The following NDUFAF2 variants were observed in gnomAD, a reference collection of about 807,000 sequenced individuals.
The protein encoded by NDUFAF2 is NADH:ubiquinone oxidoreductase complex assembly factor 2.
Under a neutral mutation model 22.8 loss-of-function variants are expected in NDUFAF2, and 13 were observed. That is an observed-to-expected ratio of 0.57 (90% CI 0.37 to 0.91). The LOEUF (loss-of-function observed/expected upper bound fraction) is 0.91, where lower values mean the gene tolerates loss of function less well. Ranked by LOEUF, NDUFAF2 falls within the 40% of genes least tolerant of loss-of-function variation. The pLI is 0.01. For synonymous variants in NDUFAF2, 53 were observed against 64.2 expected (o/e 0.83, Z 0.84); for missense variants, 162 against 195.2 (o/e 0.83, Z 1.01).
chr5:60,989,527 A>G (rs1269260945), intron 1 of NDUFAF2, among the ~76,000 whole-genome samples: 1 of 152,228 alleles, frequency 6.6e-6, no homozygotes, highest in Non-Finnish European at 1.5e-5. Context: ...GACTGGGTAA[A>G]GAAAATGGAG....
chr5:60,997,472 A>G (rs1751242754), intron 1 of NDUFAF2, among the ~76,000 whole-genome samples: 2 of 152,212 alleles, frequency 1.3e-5, no homozygotes, highest in Non-Finnish European at 2.9e-5. Context: ...GATTGTTTAG[A>G]TCAAACAGGT....
chr5:60,946,166 C>T (rs1055033644), intron 1 of NDUFAF2, among the ~76,000 whole-genome samples: 3 of 152,138 alleles, frequency 2.0e-5, no homozygotes, highest in African/African-American at 4.8e-5. Flanking sequence ...GTAACCTCTT[C>T]TGTGTTGTTC....
chr5:61,147,433 C>CTTTTTTTTTT (rs1561139813), intron 3 of NDUFAF2, among the ~76,000 whole-genome samples: 1 of 47,472 alleles, frequency 2.1e-5, no homozygotes, highest in African/African-American at 6.2e-5. Flanking sequence ...ATTTTTTTTT[C>CTTTTTTTTTT]TTTCTTTTTT....
chr5:61,040,287 C>CACACACAT (rs1561548634), intron 1 of NDUFAF2, among the ~76,000 whole-genome samples: 1 of 58,186 alleles, frequency 1.7e-5, no homozygotes, highest in Non-Finnish European at 3.3e-5. Context: ...CACACACACA[C>CACACACAT]GCGCGCGCGC....
intron 3 of NDUFAF2, chr5:61,116,032 C>G (rs980681898): frequency 1.3e-5 from 2 of 152,176 alleles, no homozygotes; most frequent in African/African-American, 4.8e-5. Context: ...TGAACATGTA[C>G]ATACTGAAAA....
At chr5:61,082,587 A>G (rs1434736891) in intron 2 of NDUFAF2, among the ~76,000 whole-genome samples, 1 of 152,052 alleles carries the variant, frequency 6.6e-6, no homozygotes, top group Non-Finnish European at 1.5e-5. Context: ...TATACTCAGT[A>G]TTTAGCTCCC....
chr5:61,105,190 T>C (rs1752747675), intron 3 of NDUFAF2, among the ~76,000 whole-genome samples: 1 of 148,348 alleles, frequency 6.7e-6, no homozygotes, highest in Non-Finnish European at 1.5e-5. Context: ...ATTTCTGCTC[T>C]GGCTTATGAT....
intron 1 of NDUFAF2, among the ~76,000 whole-genome samples, chr5:61,005,697 A>G (rs569858188): frequency 7.8e-4 from 119 of 152,174 alleles, no homozygotes; most frequent in Middle Eastern, 3.4e-3. Context: ...CTCAATGATG[A>G]TGAGCATTTT....
chr5:61,106,664 C>T (rs1419332859), intron 3 of NDUFAF2, among the ~76,000 whole-genome samples: 1 of 150,714 alleles, frequency 6.6e-6, no homozygotes, highest in African/African-American at 2.5e-5. Context: ...TATTTTTGTG[C>T]CCATTAACCA....
chr5:61,086,281 C>CA lies in NDUFAF2; in HGVS notation c.218-12707dup, dbSNP rs765524448. The stretch of plus-strand genomic sequence containing the variant: ...ATCTGTAAATTCATTGCCCTCCAAT[C>CA]AAAATACTAACAGCCTTTTTGGAAT... On this transcript the variant is annotated intron_variant, in intron 2 of 3. Coordinates refer to ENST00000296597, the MANE Select transcript of NDUFAF2 (RefSeq NM_174889.5). Among the ~76,000 whole-genome samples the CA allele has an allele frequency of 6.6e-5, 10 of 152,184 alleles. No homozygotes were observed. In the East Asian group the frequency reaches 1.3e-3, roughly 21 times the overall value.
intron 1 of NDUFAF2, among the ~76,000 whole-genome samples, chr5:61,020,095 A>G (rs984305647): frequency 1.3e-5 from 2 of 152,158 alleles, no homozygotes; most frequent in African/African-American, 4.8e-5. Context: ...GTTTATTTGT[A>G]TAACATTATT....
chr5:60,986,484 A>G (rs1194956326), intron 1 of NDUFAF2, among the ~76,000 whole-genome samples: 2 of 152,192 alleles, frequency 1.3e-5, no homozygotes. Flanking sequence ...TAAGAGGGAA[A>G]TTTCTGGCAC....
At chr5:61,148,293 C>T (rs1741170500) in intron 3 of NDUFAF2, among the ~76,000 whole-genome samples, 2 of 152,160 alleles carry the variant, frequency 1.3e-5, no homozygotes, top group South Asian at 2.1e-4. Context: ...CTTCAGGGAT[C>T]ACACTACTGT....
intron 3 of NDUFAF2, among the ~76,000 whole-genome samples, chr5:61,131,363 G>C (rs936666004): frequency 6.6e-6 from 1 of 151,588 alleles, no homozygotes; most frequent in Non-Finnish European, 1.5e-5. Flanking sequence ...TTTTTGGGGG[G>C]TTTTTTGGTT....
At chr5:61,126,869 C>A (rs295576) in intron 3 of NDUFAF2, among the ~76,000 whole-genome samples, 6,609 of 151,838 alleles carry the variant, frequency 0.044, 175 homozygotes, top group South Asian at 0.08. Context: ...TTGAAAAGAT[C>A]AACAAAATTG....
At chr5:61,033,322 T>A (rs1259614830) in intron 1 of NDUFAF2, among the ~76,000 whole-genome samples, 1 of 152,150 alleles carries the variant, frequency 6.6e-6, no homozygotes, top group Non-Finnish European at 1.5e-5. Flanking sequence ...TTACACTATG[T>A]GAAGACAGTG....
chr5:60,984,322 A>G (rs1247792961), intron 1 of NDUFAF2, among the ~76,000 whole-genome samples: 1 of 152,148 alleles, frequency 6.6e-6, no homozygotes, highest in East Asian at 1.9e-4. Flanking sequence ...TTTTCTAGAT[A>G]TACAATCATG....
At chr5:60,977,985 C>A (rs1402963474) in intron 1 of NDUFAF2, among the ~76,000 whole-genome samples, 1 of 152,044 alleles carries the variant, frequency 6.6e-6, no homozygotes, top group Non-Finnish European at 1.5e-5. Context: ...GTTTTAAAAT[C>A]ATAATAAGGA....
chr5:61,067,034 G>A (rs948260588), intron 1 of NDUFAF2, among the ~76,000 whole-genome samples: 1 of 152,070 alleles, frequency 6.6e-6, no homozygotes, highest in Non-Finnish European at 1.5e-5. Context: ...AGGACTGTTG[G>A]TAATAAAATT....
Sources: allele counts gnomAD v4.1 joint callset (sites outside exome capture counted in the v4.1 genomes callset), GRCh38; gene constraint gnomAD v4.1.1; transcripts MANE v1.5; gene names NCBI Gene and HGNC (gene_info 2026-07-23, HGNC 2026-07-21).